ZNF503: variants seen among roughly 807,000 people sequenced by gnomAD.
ZNF503 encodes the protein zinc finger protein 503, also known as NocA-like zinc finger 2.
Under a neutral mutation model 34.4 loss-of-function variants are expected in ZNF503, and 15 were observed. The ratio of observed to expected loss-of-function variants is 0.44; its 90% CI spans 0.29 to 0.67. The LOEUF is 0.67. Among genes scored for constraint, ZNF503 ranks in the 30% least tolerant of loss-of-function variants. The pLI, the probability that ZNF503 is intolerant of heterozygous loss-of-function variation, is 0.13. For synonymous variants in ZNF503, 580 were observed against 456.8 expected (o/e 1.27, Z -3.44); for missense variants, 1,007 against 926.8 (o/e 1.09, Z -1.12).
the ZNF503 span, among the ~76,000 whole-genome samples, chr10:75,368,702 C>T: frequency 3.3e-5 from 5 of 152,158 alleles, no homozygotes; most frequent in Non-Finnish European, 7.3e-5. Context: ...ACAGAGATCC[C>T]TGCATTGGAA....
At chr10:75,300,879 T>C in the ZNF503 span, among the ~76,000 whole-genome samples, 1 of 151,936 alleles carries the variant, frequency 6.6e-6, no homozygotes, top group Non-Finnish European at 1.5e-5. Context: ...CTAATTTTTG[T>C]ATTTTTAGTA....
chr10:75,282,160 A>G, the ZNF503 span, among the ~76,000 whole-genome samples: 2 of 152,240 alleles, frequency 1.3e-5, no homozygotes, highest in Non-Finnish European at 2.9e-5. Flanking sequence ...GAGGTGAATC[A>G]TGATTGGTCT....
chr10:75,396,418 G>A (rs753248717), downstream of ZNF503, among the ~76,000 whole-genome samples: 34 of 151,778 alleles, frequency 2.2e-4, no homozygotes, highest in Admixed American at 9.8e-4. This position sits in a 1 kb window ranked among gnomAD's most constrained non-coding sequence, Gnocchi z 4.4. Flanking sequence ...CGCGCTTCCC[G>A]CAGTGTCCGG....
At chr10:75,387,437 T>A in the ZNF503 span, among the ~76,000 whole-genome samples, 1 of 152,212 alleles carries the variant, frequency 6.6e-6, no homozygotes, top group South Asian at 2.1e-4. Context: ...TAGCTACTTA[T>A]CTCCTACAGG....
At chr10:75,287,901 T>G in the ZNF503 span, among the ~76,000 whole-genome samples, 2 of 152,330 alleles carry the variant, frequency 1.3e-5, no homozygotes, top group East Asian at 3.9e-4. Flanking sequence ...CCCTGGACCA[T>G]TCACTGTCCA....
At chr10:75,384,250 C>T in the ZNF503 span, among the ~76,000 whole-genome samples, 5 of 152,216 alleles carry the variant, frequency 3.3e-5, no homozygotes, top group South Asian at 1.0e-3. Flanking sequence ...TGCAGACACA[C>T]ACACACATGC....
the ZNF503 span, chr10:75,343,356 T>G: frequency 6.6e-6 from 1 of 152,282 alleles, no homozygotes; most frequent in East Asian, 1.9e-4. Flanking sequence ...GCATCACGGC[T>G]GGAGGTGGAG....
the ZNF503 span, among the ~76,000 whole-genome samples, chr10:75,307,285 T>C: frequency 6.6e-6 from 1 of 152,236 alleles, no homozygotes; most frequent in Non-Finnish European, 1.5e-5. Context: ...TTATTGCTGA[T>C]ATGAAGAAAG....
At chr10:75,295,916 C>G in the ZNF503 span, among the ~76,000 whole-genome samples, 1 of 152,074 alleles carries the variant, frequency 6.6e-6, no homozygotes, top group South Asian at 2.1e-4. This position sits in a 1 kb window ranked among gnomAD's most constrained non-coding sequence, Gnocchi z 4.0. Context: ...GGAAAAAGAA[C>G]CCCCCTCCAA....
the ZNF503 span, among the ~76,000 whole-genome samples, chr10:75,336,200 C>T: frequency 6.6e-6 from 1 of 152,146 alleles, no homozygotes; most frequent in African/African-American, 2.4e-5. Context: ...AGTTTCACTT[C>T]TTCTATTACA....
the ZNF503 span, among the ~76,000 whole-genome samples, chr10:75,283,011 C>T: frequency 1.3e-5 from 2 of 152,154 alleles, no homozygotes; most frequent in Non-Finnish European, 2.9e-5. Context: ...CATTATGGAA[C>T]CTTGAGTTTT....
chr10:75,299,708 G>A, the ZNF503 span, among the ~76,000 whole-genome samples: 1 of 152,174 alleles, frequency 6.6e-6, no homozygotes, highest in South Asian at 2.1e-4. Context: ...AAATTTTAAA[G>A]CTGGGCATCT....
At chr10:75,284,442 C>T in the ZNF503 span, among the ~76,000 whole-genome samples, 1 of 151,418 alleles carries the variant, frequency 6.6e-6, no homozygotes, top group Non-Finnish European at 1.5e-5. Context: ...GGGAAGGGGA[C>T]TGGAGGGCGA....
the ZNF503 span, among the ~76,000 whole-genome samples, chr10:75,318,175 T>C: frequency 6.6e-6 from 1 of 152,176 alleles, no homozygotes. Context: ...CAAAACATCA[T>C]ATTGTATGCC....
chr10:75,283,091 AAGGGAGAAAAGCAC>A, the ZNF503 span, among the ~76,000 whole-genome samples: 1 of 152,238 alleles, frequency 6.6e-6, no homozygotes, highest in Non-Finnish European at 1.5e-5. Context: ...AAAAGCCAGG[AAGGGAGAAAAGCAC>A]AGGGAGGGAA....
chr10:75,313,310 T>G, the ZNF503 span, among the ~76,000 whole-genome samples: 88 of 152,164 alleles, frequency 5.8e-4, no homozygotes, highest in African/African-American at 2.0e-3. Flanking sequence ...ACAAATCCAA[T>G]AATAGACTCA....
At chr10:75,347,392 G>A in the ZNF503 span, among the ~76,000 whole-genome samples, 2 of 8,908 alleles carry the variant, frequency 2.2e-4, no homozygotes, top group Non-Finnish European at 5.2e-4. Flanking sequence ...CAGGGCTGAC[G>A]AGAGGAGAAC....
the ZNF503 span, among the ~76,000 whole-genome samples, chr10:75,364,263 C>T: frequency 6.6e-6 from 1 of 152,172 alleles, no homozygotes; most frequent in South Asian, 2.1e-4. Context: ...CCAGAGAATT[C>T]CAGCCTCAAC....
At chr10:75,361,694 G>A in the ZNF503 span, 2 of 152,160 alleles carry the variant, frequency 1.3e-5, no homozygotes, top group Non-Finnish European at 2.9e-5. Flanking sequence ...CTTTTCAGAT[G>A]TGTGTCTTTT....
Sources: allele counts gnomAD v4.1 joint callset (sites outside exome capture counted in the v4.1 genomes callset), GRCh38; gene constraint gnomAD v4.1.1; non-coding constraint Gnocchi (gnomAD v3.1); transcripts MANE v1.5; gene names NCBI Gene and HGNC (gene_info 2026-07-23, HGNC 2026-07-21).